The following PKD1L1 variants were observed in gnomAD, a reference collection of about 807,000 sequenced individuals.
PKD1L1 encodes polycystin 1 like 1, transient receptor potential channel interacting, also known as polycystin-1-like protein 1.
PKD1L1 carries 236 observed loss-of-function variants against 323.4 expected under a neutral mutation model. That is an observed-to-expected ratio of 0.73 (90% CI 0.66 to 0.81). The LOEUF (loss-of-function observed/expected upper bound fraction) is 0.81, where lower values mean the gene tolerates loss of function less well. Ranked by LOEUF, PKD1L1 falls within the 40% of genes least tolerant of loss-of-function variation. The probability of loss-of-function intolerance (pLI) is 0.00; values close to 1 mark genes in which losing one functional copy is unlikely to be tolerated. For missense variants in PKD1L1, 3,320 were observed against 3,508.0 expected (o/e 0.95, Z 1.35); for synonymous variants, 1,344 against 1,335.0 (o/e 1.01, Z -0.15).
chr7:47,803,773 C>T (rs1438945746), intron 52 of PKD1L1, among the ~76,000 whole-genome samples: 1 of 152,198 alleles, frequency 6.6e-6, no homozygotes, highest in African/African-American at 2.4e-5. Flanking sequence ...CAGAATAGGG[C>T]ACCAACACTT....
intron 48 of PKD1L1, 117 bp from the exon 49 acceptor site, chr7:47,813,410 C>A: frequency 9.3e-7 from 1 of 1,072,690 alleles, no homozygotes. Flanking sequence ...AACATGGCAC[C>A]CTTCTCTCCT....
chr7:47,883,166 T>A (rs188438835), intron 19 of PKD1L1, among the ~76,000 whole-genome samples: 1 of 152,346 alleles, frequency 6.6e-6, no homozygotes, highest in Non-Finnish European at 1.5e-5. Flanking sequence ...TAAAGACTTT[T>A]AAATGTTCTG....
chr7:47,835,370 C>A, intron 37 of PKD1L1, 127 bp from the exon 38 acceptor site: 1 of 581,196 alleles, frequency 1.7e-6, no homozygotes, highest in Non-Finnish European at 3.0e-6. Flanking sequence ...GTGCTCTCTT[C>A]ATGAATCATG....
upstream of PKD1L1, among the ~76,000 whole-genome samples, chr7:47,952,270 G>GC (rs1421624807): frequency 6.6e-6 from 1 of 152,158 alleles, no homozygotes; most frequent in Non-Finnish European, 1.5e-5. Flanking sequence ...CCCAGAGCAG[G>GC]CTGCACCAAG....
chr7:47,779,253 G>A (rs1206915946), intron 56 of PKD1L1, among the ~76,000 whole-genome samples: 1 of 152,238 alleles, frequency 6.6e-6, no homozygotes, highest in East Asian at 1.9e-4. Flanking sequence ...CCCATCACCT[G>A]AGAGCAGAGA....
intron 7 of PKD1L1, among the ~76,000 whole-genome samples, chr7:47,926,784 T>C (rs887712153): frequency 5.9e-5 from 9 of 151,454 alleles, no homozygotes; most frequent in East Asian, 1.9e-4. Context: ...CACCCCATCA[T>C]TGTGGCAACC....
At chr7:47,904,810 C>T (rs1787168017) in intron 11 of PKD1L1, among the ~76,000 whole-genome samples, 193 bp from the exon 12 acceptor site, 1 of 151,938 alleles carries the variant, frequency 6.6e-6, no homozygotes, top group Non-Finnish European at 1.5e-5. Flanking sequence ...TTTTGACTAC[C>T]CCCCTCTTCA....
chr7:47,856,485 TAA>T (rs1464900682), intron 28 of PKD1L1, among the ~76,000 whole-genome samples: 1 of 152,232 alleles, frequency 6.6e-6, no homozygotes, highest in African/African-American at 2.4e-5. Context: ...TTTGAGCAAA[TAA>T]ATACGACAAG....
rs761907360 is a variant in PKD1L1, at chr7:47,905,237, T to C, written c.1611A>G (p.Glu537=). ...TAVTKETIPL[E]FEWYFGEDPP... ...GATCCTCTCCAAAATACCACTCAAA[T>C]TCCAGGGGTATTGTTTCCTTGGTAA... is the stretch of plus-strand genomic sequence containing the variant. Residue 537 remains glutamate (E), a synonymous_variant, in exon 11 of 57, where the codon GAA becomes GAG. Transcript: ENST00000289672. 1 of 1,614,198 alleles carries C rather than the reference T, an allele frequency of 6.2e-7. No individual in the cohort carries two copies. Among genetic ancestry groups the C allele is most frequent in the Non-Finnish European group, 8.5e-7 (1 of 1,180,032 alleles).
At chr7:47,912,051 C>A (rs1787334050) in intron 8 of PKD1L1, among the ~76,000 whole-genome samples, 1 of 151,614 alleles carries the variant, frequency 6.6e-6, no homozygotes, top group African/African-American at 2.4e-5. Flanking sequence ...CTATAAGAGT[C>A]AAGAGGGAAA....
intron 24 of PKD1L1, among the ~76,000 whole-genome samples, chr7:47,872,013 T>C (rs1370791420): frequency 6.6e-6 from 1 of 152,188 alleles, no homozygotes; most frequent in African/African-American, 2.4e-5. Context: ...CATGATCTTA[T>C]ATAGAGAAAA....
At chr7:47,837,706 C>T (rs1785487347) in intron 36 of PKD1L1, among the ~76,000 whole-genome samples, 1 of 152,128 alleles carries the variant, frequency 6.6e-6, no homozygotes. Flanking sequence ...CCTCAGTAGC[C>T]CACAGTGTCT....
chr7:47,795,941 C>A, intron 55 of PKD1L1, 48 bp downstream of exon 55: 1 of 1,572,116 alleles, frequency 6.4e-7, no homozygotes, highest in Non-Finnish European at 8.6e-7. Flanking sequence ...AAACCATCAT[C>A]TTGAGTGTGT....
chr7:47,792,759 T>C lies in PKD1L1; in HGVS notation c.8394A>G (p.Glu2798=). The change falls in exon 56 of 57, where the codon GAA becomes GAG. Residue 2798 remains glutamate, a synonymous_variant. Coordinates refer to ENST00000289672, the MANE Select transcript of PKD1L1 (RefSeq NM_138295.5). The part of the protein sequence containing the change: ...YLDEFANLLD[E]LLMKINGLSD... The stretch of plus-strand genomic sequence containing the variant: ...ACAAACCATTAATCTTCATCAGAAG[T>C]TCGTCTAACAGATTTGCAAATTCAT... The C allele has an allele frequency of 6.2e-7, 1 of 1,613,972 alleles. No individual in the cohort carries two copies. Among genetic ancestry groups the C allele is most frequent in the Non-Finnish European group, 8.5e-7 (1 of 1,179,960 alleles).
At chr7:47,857,491 A>G (rs1020922913) in intron 28 of PKD1L1, 114 bp downstream of exon 28, 1 of 835,020 alleles carries the variant, frequency 1.2e-6, no homozygotes, top group African/African-American at 1.7e-5. Flanking sequence ...GGGTGCAAAC[A>G]TGCAAAAAAC....
chr7:47,845,185 T>A, intron 32 of PKD1L1, 107 bp from the exon 33 acceptor site: 1 of 854,368 alleles, frequency 1.2e-6, no homozygotes, highest in Non-Finnish European at 1.8e-6. Flanking sequence ...AAGAGTGCAA[T>A]AATGATAACT....
At chr7:47,888,527 A>G (rs1403239597) in intron 16 of PKD1L1, among the ~76,000 whole-genome samples, 5 of 152,176 alleles carry the variant, frequency 3.3e-5, no homozygotes, top group Non-Finnish European at 7.3e-5. Context: ...CCACCACGTG[A>G]TCCCTCTTCG....
the PKD1L1 span, among the ~76,000 whole-genome samples, chr7:47,958,181 C>G: frequency 6.6e-6 from 1 of 152,082 alleles, no homozygotes; most frequent in Non-Finnish European, 1.5e-5. Context: ...ATCATAATAC[C>G]TGACTTCAAA....
chr7:47,886,135 G>C, intron 17 of PKD1L1, 81 bp from the exon 18 acceptor site: 1 of 1,489,616 alleles, frequency 6.7e-7, no homozygotes, highest in African/African-American at 1.4e-5. Context: ...GACTATGTAA[G>C]GATGCTATAT....
Sources: allele counts gnomAD v4.1 joint callset (sites outside exome capture counted in the v4.1 genomes callset), GRCh38; gene constraint gnomAD v4.1.1; transcripts MANE v1.5; gene names NCBI Gene and HGNC (gene_info 2026-07-23, HGNC 2026-07-21).